The following ROBO2 variants were observed in gnomAD, a reference collection of about 807,000 sequenced individuals.
ROBO2 encodes roundabout homolog 2.
ROBO2 carries 53 observed loss-of-function variants against 160.8 expected under a neutral mutation model. The observed-to-expected ratio is 0.33, with a 90% confidence interval of 0.26 to 0.41. ROBO2 has a LOEUF of 0.41. Among genes scored for constraint, ROBO2 ranks in the 10% least tolerant of loss-of-function variants. The pLI, the probability that ROBO2 is intolerant of heterozygous loss-of-function variation, is 1.00. For synonymous variants in ROBO2, 664 were observed against 611.7 expected (o/e 1.09, Z -1.26); for missense variants, 1,577 against 1,722.4 (o/e 0.92, Z 1.49).
chr3:77,290,177 A>G (rs746490184), intron 2 of ROBO2, among the ~76,000 whole-genome samples: 17,012 of 120,548 alleles, frequency 0.14, no homozygotes, highest in Non-Finnish European at 0.21. Context: ...CACCCAAGAC[A>G]CAAAGTAAAA....
At chr3:77,645,826 A>C (rs1208652879) in intron 25 of ROBO2, among the ~76,000 whole-genome samples, 1 of 152,118 alleles carries the variant, frequency 6.6e-6, no homozygotes. Flanking sequence ...GACTCACAGG[A>C]GTACCAAAAT....
At chr3:76,345,560 T>C (rs1421783025) in intron 2 of ROBO2, among the ~76,000 whole-genome samples, 1 of 151,810 alleles carries the variant, frequency 6.6e-6, no homozygotes, top group Non-Finnish European at 1.5e-5. Flanking sequence ...TCCCTAGCTG[T>C]GATCTGATGA....
chr3:76,445,665 G>A (rs1214175047), intron 2 of ROBO2, among the ~76,000 whole-genome samples: 1 of 152,072 alleles, frequency 6.6e-6, no homozygotes, highest in Non-Finnish European at 1.5e-5. Context: ...ACCGAGTCCA[G>A]CAACTCATCA....
intron 2 of ROBO2, among the ~76,000 whole-genome samples, chr3:76,111,116 G>C (rs1488940788): frequency 6.6e-6 from 1 of 152,072 alleles, no homozygotes; most frequent in East Asian, 1.9e-4. Flanking sequence ...GTTCAGATGA[G>C]ATCATGCTGG....
rs925713438 is a variant in ROBO2, at chr3:76,240,239, ATCAT to A, written c.109+302638_109+302641del. ...AGTGGTTTGCTGCACCCACCAAACC[ATCAT>A]CTACATTAGGTATTTGTCCTAATGC... On this transcript the variant is annotated intron_variant, in intron 2 of 26. Transcript: ENST00000487694. 1.4e-3 allele frequency among the ~76,000 whole-genome samples: 218 copies of A among 152,214 alleles called. 1 individual carries two copies. The highest frequency in any genetic ancestry group is 4.9e-3 in the African/African-American group (204 of 41,544).
intron 2 of ROBO2, among the ~76,000 whole-genome samples, chr3:77,274,392 A>G (rs903228503): frequency 6.6e-6 from 1 of 152,130 alleles, no homozygotes; most frequent in South Asian, 2.1e-4. Flanking sequence ...ACACTTGTAC[A>G]TATCGTAAGA....
chr3:77,344,094 A>G (rs1020479449), intron 2 of ROBO2, among the ~76,000 whole-genome samples: 2 of 152,040 alleles, frequency 1.3e-5, no homozygotes, highest in South Asian at 2.1e-4. Context: ...TATAAACATG[A>G]CCTTGATATA....
chr3:77,236,847 T>C (rs1284724178), intron 2 of ROBO2, among the ~76,000 whole-genome samples: 1 of 152,182 alleles, frequency 6.6e-6, no homozygotes, highest in Non-Finnish European at 1.5e-5. Context: ...TTTAAGTTTA[T>C]TCCATATTTC....
At chr3:77,524,397 G>A (rs550991314) in intron 6 of ROBO2, among the ~76,000 whole-genome samples, 28 of 151,288 alleles carry the variant, frequency 1.9e-4, no homozygotes, top group African/African-American at 6.0e-4. Context: ...TTTGTCATAT[G>A]TTTGCTAGGC....
intron 2 of ROBO2, among the ~76,000 whole-genome samples, chr3:77,296,032 T>G (rs1407464621): frequency 6.7e-6 from 1 of 148,452 alleles, no homozygotes; most frequent in African/African-American, 2.5e-5. Flanking sequence ...AGTAAAGACA[T>G]AAAGTAGAAT....
At chr3:76,705,085 G>T (rs2093132666) in intron 2 of ROBO2, among the ~76,000 whole-genome samples, 1 of 152,010 alleles carries the variant, frequency 6.6e-6, no homozygotes, top group African/African-American at 2.4e-5. Flanking sequence ...ACGGACAATA[G>T]GTAAGTGAAT....
chr3:76,305,036 A>G (rs1410676435), intron 2 of ROBO2, among the ~76,000 whole-genome samples: 1 of 151,816 alleles, frequency 6.6e-6, no homozygotes, highest in Non-Finnish European at 1.5e-5. Context: ...TAAATAGGAT[A>G]TTTTACATTG....
chr3:76,335,480 C>G (rs1036760049), intron 2 of ROBO2, among the ~76,000 whole-genome samples: 1 of 151,970 alleles, frequency 6.6e-6, no homozygotes, highest in Non-Finnish European at 1.5e-5. Context: ...CCACACCCAG[C>G]CTTCTGTGTA....
chr3:76,003,781 C>T (rs891908858), intron 2 of ROBO2, among the ~76,000 whole-genome samples: 19 of 152,326 alleles, frequency 1.2e-4, no homozygotes, highest in African/African-American at 4.6e-4. Flanking sequence ...GAACTAATCC[C>T]TCACGGAGAA....
chr3:77,525,681 T>C (rs1048232964), intron 6 of ROBO2, among the ~76,000 whole-genome samples: 1 of 151,262 alleles, frequency 6.6e-6, no homozygotes, highest in African/African-American at 2.4e-5. Context: ...AAAAATCATA[T>C]TGTTTCTAGA....
intron 2 of ROBO2, among the ~76,000 whole-genome samples, chr3:76,896,622 A>G (rs1004425308): frequency 6.6e-6 from 1 of 152,156 alleles, no homozygotes; most frequent in African/African-American, 2.4e-5. Context: ...AAAAGTTAGT[A>G]TTAGAATCTT....
At chr3:77,415,389 T>C (rs1292016867) in intron 2 of ROBO2, among the ~76,000 whole-genome samples, 2 of 152,200 alleles carry the variant, frequency 1.3e-5, no homozygotes, top group Non-Finnish European at 2.9e-5. Flanking sequence ...GAGAGAAATG[T>C]AGTAGCTGTA....
At chr3:76,425,680 C>G (rs893893597) in intron 2 of ROBO2, among the ~76,000 whole-genome samples, 1 of 151,908 alleles carries the variant, frequency 6.6e-6, no homozygotes, top group Admixed American at 6.6e-5. Flanking sequence ...TCTGACTTTC[C>G]TCATAGACTA....
chr3:75,929,248 G>T (rs1947429140), intron 1 of ROBO2, among the ~76,000 whole-genome samples: 1 of 151,060 alleles, frequency 6.6e-6, no homozygotes, highest in African/African-American at 2.4e-5. Context: ...AAGAAGCCTG[G>T]TTGATAGTAT....
Sources: gnomAD v4.1 joint callset for allele counts (sites outside exome capture counted in the v4.1 genomes callset) on GRCh38, gnomAD v4.1.1 for gene constraint, MANE v1.5 for transcripts, NCBI Gene and HGNC (gene_info 2026-07-23, HGNC 2026-07-21) for gene names.